TUBGCP3: variants seen among roughly 807,000 people sequenced by gnomAD.
TUBGCP3 encodes the protein tubulin gamma complex component 3, also known as gamma-tubulin complex component 3.
A neutral mutation model predicts 123.1 loss-of-function variants in TUBGCP3; 50 were observed. The ratio of observed to expected loss-of-function variants is 0.41; its 90% CI spans 0.32 to 0.51. The LOEUF (loss-of-function observed/expected upper bound fraction) is 0.51, where lower values mean the gene tolerates loss of function less well. Among genes scored for constraint, TUBGCP3 ranks in the 20% least tolerant of loss-of-function variants. The pLI, the probability that TUBGCP3 is intolerant of heterozygous loss-of-function variation, is 0.36. For missense variants in TUBGCP3, 882 were observed against 1,127.0 expected (o/e 0.78, Z 3.11); for synonymous variants, 405 against 413.9 (o/e 0.98, Z 0.26).
intron 1 of TUBGCP3, among the ~76,000 whole-genome samples, chr13:112,579,369 A>C (rs1370286788): frequency 1.5e-5 from 1 of 68,828 alleles, no homozygotes; most frequent in East Asian, 4.9e-4. Context: ...ACACTGCTGA[A>C]TGCCCGCGGG....
chr13:112,578,378 T>C (rs1882008446), intron 1 of TUBGCP3, among the ~76,000 whole-genome samples: 1 of 150,404 alleles, frequency 6.6e-6, no homozygotes, highest in Non-Finnish European at 1.5e-5. Flanking sequence ...GCTAACACGG[T>C]GAAACCCCGT....
At chr13:112,560,483 A>G (rs1880425584) in intron 3 of TUBGCP3, among the ~76,000 whole-genome samples, 1 of 152,112 alleles carries the variant, frequency 6.6e-6, no homozygotes, top group South Asian at 2.1e-4. Flanking sequence ...TAACCAACCC[A>G]CAGGTTTCTA....
intron 11 of TUBGCP3, among the ~76,000 whole-genome samples, chr13:112,544,268 A>G (rs1372843977): frequency 1.3e-5 from 2 of 152,044 alleles, no homozygotes; most frequent in East Asian, 1.9e-4. Context: ...CCTGGCTAAC[A>G]CAGTGAAACC....
At chr13:112,567,726 T>C (rs1006191162) in intron 2 of TUBGCP3, among the ~76,000 whole-genome samples, 1 of 152,218 alleles carries the variant, frequency 6.6e-6, no homozygotes, top group Admixed American at 6.5e-5. Flanking sequence ...GGTGAAGTAC[T>C]CTGGGTCACA....
intron 8 of TUBGCP3, among the ~76,000 whole-genome samples, chr13:112,553,663 G>A (rs531380080): frequency 1.3e-5 from 2 of 152,338 alleles, no homozygotes; most frequent in East Asian, 3.9e-4. Flanking sequence ...CGTGCTGCCT[G>A]GGGAATCACG....
chr13:112,544,138 G>A (rs1878757010), intron 11 of TUBGCP3, among the ~76,000 whole-genome samples: 2 of 152,198 alleles, frequency 1.3e-5, no homozygotes, highest in Non-Finnish European at 2.9e-5. Context: ...TGAGTGCAAC[G>A]TGGCAGAAGC....
chr13:112,602,130 G>C, the TUBGCP3 span, among the ~76,000 whole-genome samples: 3 of 152,154 alleles, frequency 2.0e-5, no homozygotes, highest in Admixed American at 6.5e-5. Flanking sequence ...TCTGTGCAGC[G>C]AGCCCCCCAG....
Position 112,578,641 on chromosome 13 carries a change from G to A in TUBGCP3, c.76+9264C>T, listed in dbSNP as rs973704484. Among the ~76,000 whole-genome samples, 9 of 147,578 alleles carry A rather than the reference G, an allele frequency of 6.1e-5. 1 individual carries two copies. Among genetic ancestry groups the A allele is most frequent in the African/African-American group, 2.0e-4 (8 of 39,774 alleles). ...GAGCAGATGCTAAATCATCACACCT[G>A]TAAATCATGTGCTTAATGCAACGCG... On this transcript the variant is annotated intron_variant, in intron 1 of 21. Coordinates refer to ENST00000261965, the MANE Select transcript of TUBGCP3 (RefSeq NM_006322.6).
At chr13:112,487,065 G>GTGTGTGTGTGTGTGTGTGTC (rs1879728216) in intron 21 of TUBGCP3, among the ~76,000 whole-genome samples, 1 of 146,100 alleles carries the variant, frequency 6.8e-6, no homozygotes, top group Non-Finnish European at 1.5e-5. Context: ...GTGTGTGTGT[G>GTGTGTGTGTGTGTGTGTGTC]TGTGTGTGTG....
chr13:112,582,390 T>C (rs932262977), intron 1 of TUBGCP3, among the ~76,000 whole-genome samples: 3 of 152,238 alleles, frequency 2.0e-5, no homozygotes, highest in African/African-American at 7.2e-5. Flanking sequence ...CAGACTGTGA[T>C]AAGAGCGTCA....
intron 16 of TUBGCP3, among the ~76,000 whole-genome samples, chr13:112,518,709 T>C (rs1357227455): frequency 6.6e-6 from 1 of 152,226 alleles, no homozygotes; most frequent in Non-Finnish European, 1.5e-5. Flanking sequence ...AAATGAACAG[T>C]CCATTTATTA....
intron 1 of TUBGCP3, among the ~76,000 whole-genome samples, chr13:112,578,133 CATAA>C (rs1881981563): frequency 6.6e-6 from 1 of 152,122 alleles, no homozygotes; most frequent in South Asian, 2.1e-4. Context: ...CCTGACGCAC[CATAA>C]TCTCAGCCCA....
intron 11 of TUBGCP3, among the ~76,000 whole-genome samples, chr13:112,543,240 G>A (rs1344697183): frequency 6.6e-6 from 1 of 152,126 alleles, no homozygotes; most frequent in African/African-American, 2.4e-5. Context: ...GGTTAAAAAA[G>A]AAAGTTTACT....
At chr13:112,506,477 A>G (rs1881315845) in intron 17 of TUBGCP3, among the ~76,000 whole-genome samples, 1 of 152,240 alleles carries the variant, frequency 6.6e-6, no homozygotes, top group African/African-American at 2.4e-5. Flanking sequence ...GTCCACAGTC[A>G]TGAGATGCAC....
At position 112,565,190 on chromosome 13, in the gene TUBGCP3, G is replaced by C; in HGVS notation, c.185-12C>G. 4 of 1,603,328 alleles carry C rather than the reference G, an allele frequency of 2.5e-6. No homozygotes were observed. Among genetic ancestry groups the C allele is most frequent in the Non-Finnish European group, 3.4e-6 (4 of 1,175,188 alleles). On this transcript the variant is annotated splice_polypyrimidine_tract_variant and intron_variant, in intron 2 of 21. Coordinates refer to ENST00000261965, the MANE Select transcript of TUBGCP3 (RefSeq NM_006322.6). ...TCGTTGTCGAATAACTGAAAAGACA[G>C]AAAAAAAATAAGTGTGGTAACTACA...
intron 1 of TUBGCP3, among the ~76,000 whole-genome samples, chr13:112,570,967 A>G (rs1391695208): frequency 1.3e-5 from 2 of 152,222 alleles, no homozygotes; most frequent in Admixed American, 1.3e-4. Flanking sequence ...TTCACATTTT[A>G]TCATGAGATT....
intron 2 of TUBGCP3, among the ~76,000 whole-genome samples, chr13:112,565,485 A>C (rs1265661098): frequency 1.3e-5 from 2 of 152,224 alleles, no homozygotes; most frequent in African/African-American, 4.8e-5. Context: ...CAGTAAGGCA[A>C]ACTATGATCA....
At chr13:112,570,785 G>A (rs779980547) in intron 1 of TUBGCP3, among the ~76,000 whole-genome samples, 19 of 152,174 alleles carry the variant, frequency 1.2e-4, no homozygotes, top group Admixed American at 3.9e-4. Context: ...AACTTCTTTC[G>A]AAACAGAAGC....
chr13:112,544,935 C>CA (rs1429146688), intron 11 of TUBGCP3: 1 of 152,270 alleles, frequency 6.6e-6, no homozygotes, highest in Admixed American at 6.5e-5. Flanking sequence ...GGCAGGAGAA[C>CA]ACAGGCCACT....
Sources: allele counts gnomAD v4.1 joint callset (sites outside exome capture counted in the v4.1 genomes callset), GRCh38; gene constraint gnomAD v4.1.1; transcripts MANE v1.5; gene names NCBI Gene and HGNC (gene_info 2026-07-23, HGNC 2026-07-21).